Variants in ALDH1A1 observed in about 807,000 individuals in gnomAD.
The protein encoded by ALDH1A1 is aldehyde dehydrogenase 1 family member A1.
A neutral mutation model predicts 62.1 loss-of-function variants in ALDH1A1; 19 were observed. That is an observed-to-expected ratio of 0.31 (90% CI 0.21 to 0.45). The LOEUF is 0.45. Ranked by LOEUF, ALDH1A1 falls within the 20% of genes least tolerant of loss-of-function variation. The pLI, the probability that ALDH1A1 is intolerant of heterozygous loss-of-function variation, is 1.00. For missense variants in ALDH1A1, 521 were observed against 607.1 expected, an observed-to-expected ratio of 0.86 and a Z score of 1.49; for synonymous variants, 231 against 215.9, an observed-to-expected ratio of 1.07 and a Z score of -0.61.
intron 8 of ALDH1A1, among the ~76,000 whole-genome samples, 165 bp downstream of exon 8, chr9:72,918,555 T>C (rs1830092939): frequency 6.6e-6 from 1 of 152,024 alleles, no homozygotes; most frequent in Non-Finnish European, 1.5e-5. Flanking sequence ...TTAGGATGAT[T>C]TAAGAGATTT....
intron 4 of ALDH1A1, among the ~76,000 whole-genome samples, chr9:72,928,585 A>G (rs183645162): frequency 6.6e-6 from 1 of 152,366 alleles, no homozygotes; most frequent in East Asian, 1.9e-4. Context: ...AGCTTTAAAA[A>G]GTTTGGGACC....
intron 1 of ALDH1A1, among the ~76,000 whole-genome samples, chr9:72,945,611 C>A (rs1270466092): frequency 1.3e-5 from 2 of 151,790 alleles, no homozygotes; most frequent in African/African-American, 4.8e-5. Flanking sequence ...AGCTTAGGAA[C>A]CTACCAAAGT....
intron 4 of ALDH1A1, among the ~76,000 whole-genome samples, chr9:72,927,786 T>C (rs1830229632): frequency 6.6e-6 from 1 of 152,100 alleles, no homozygotes; most frequent in Non-Finnish European, 1.5e-5. Context: ...ATGTATTTTA[T>C]TTGCCTACCA....
chr9:72,911,298 T>C (rs1829983826), intron 10 of ALDH1A1, among the ~76,000 whole-genome samples: 1 of 152,136 alleles, frequency 6.6e-6, no homozygotes. Flanking sequence ...GGCTGTTATA[T>C]AGAAAGAGTC....
chr9:72,923,446 C>T (rs977529883), intron 7 of ALDH1A1, among the ~76,000 whole-genome samples: 1 of 152,120 alleles, frequency 6.6e-6, no homozygotes, highest in African/African-American at 2.4e-5. Context: ...TTTTCCCAAA[C>T]TTCACCTTCT....
chr9:72,902,847 C>A (rs1457173948), intron 12 of ALDH1A1, among the ~76,000 whole-genome samples: 1 of 151,910 alleles, frequency 6.6e-6, no homozygotes, highest in Non-Finnish European at 1.5e-5. Flanking sequence ...TACAAATCAC[C>A]TGGGACCTTA....
chr9:72,927,043 A>T, intron 5 of ALDH1A1, 73 bp downstream of exon 5: 1 of 1,088,780 alleles, frequency 9.2e-7, no homozygotes. Context: ...TCTGTTTTAG[A>T]GAAAGCTTCA....
chr9:72,952,735 A>G (rs1830557913), intron 1 of ALDH1A1, among the ~76,000 whole-genome samples, 200 bp downstream of exon 1: 1 of 152,076 alleles, frequency 6.6e-6, no homozygotes. Context: ...TTTAAGAAAT[A>G]AATTTATGAA....
At chr9:72,915,381 C>A (rs1393069674) in intron 9 of ALDH1A1, among the ~76,000 whole-genome samples, 3 of 152,066 alleles carry the variant, frequency 2.0e-5, no homozygotes, top group Non-Finnish European at 4.4e-5. Flanking sequence ...TCAGATCTAT[C>A]AATCAATCAT....
intron 2 of ALDH1A1, among the ~76,000 whole-genome samples, chr9:72,936,382 A>C (rs558420317): frequency 6.6e-6 from 1 of 152,324 alleles, no homozygotes; most frequent in East Asian, 1.9e-4. Context: ...AAGGCTCCAG[A>C]ACTAAAACAT....
At position 72,930,964 on chromosome 9, in the gene ALDH1A1, G is replaced by A. The variant is rs150537821; in HGVS notation, c.227C>T (p.Pro76Leu). The change falls in exon 3 of 13, where the codon CCG becomes CTG. Residue 76 changes from proline (P) to leucine (L), a missense_variant. Coordinates refer to ENST00000297785, the MANE Select transcript of ALDH1A1 (RefSeq NM_000689.5). ...AARQAFQIGS[P>L]WRTMDASERG... ...CTCGGAAGCATCCATAGTACGCCAC[G>A]GGGATCCAATCTGAAAAGCCTGTCT... 6.8e-6 allele frequency: 11 copies of A among 1,613,960 alleles called. No homozygotes were observed. Among genetic ancestry groups the A allele is most frequent in the Admixed American group, 3.3e-5 (2 of 59,992 alleles).
intron 2 of ALDH1A1, among the ~76,000 whole-genome samples, chr9:72,935,070 G>A (rs1158896798): frequency 6.6e-6 from 1 of 152,122 alleles, no homozygotes; most frequent in East Asian, 1.9e-4. Flanking sequence ...TATATAAGGG[G>A]TGCCTTACAT....
chr9:72,908,792 G>C (rs185537466), intron 11 of ALDH1A1, among the ~76,000 whole-genome samples: 113 of 151,924 alleles, frequency 7.4e-4, no homozygotes, highest in Admixed American at 3.8e-3. Flanking sequence ...CAGTTTGAGA[G>C]GCACAGACTT....
intron 2 of ALDH1A1, among the ~76,000 whole-genome samples, chr9:72,932,505 G>A (rs1830295015): frequency 6.6e-6 from 1 of 152,166 alleles, no homozygotes; most frequent in Non-Finnish European, 1.5e-5. Flanking sequence ...GTCTGATTAA[G>A]TAATAATATT....
intron 9 of ALDH1A1, among the ~76,000 whole-genome samples, chr9:72,915,992 A>G (rs1211289058): frequency 6.6e-6 from 1 of 152,164 alleles, no homozygotes; most frequent in Non-Finnish European, 1.5e-5. Context: ...TAGACTCCAG[A>G]GCAGGATTTC....
chr9:72,938,176 T>C (rs1377210039), intron 2 of ALDH1A1, among the ~76,000 whole-genome samples: 1 of 152,102 alleles, frequency 6.6e-6, no homozygotes, highest in East Asian at 1.9e-4. Flanking sequence ...CTAAAACACA[T>C]TGTCATGAAT....
At position 72,925,626 on chromosome 9, in the gene ALDH1A1, T is replaced by C. The variant is rs1272518520; in HGVS notation, c.505-14A>G. 1 of 1,610,928 alleles carries C rather than the reference T, an allele frequency of 6.2e-7. No homozygotes were observed. Among genetic ancestry groups the C allele is most frequent in the African/African-American group, 1.3e-5 (1 of 74,730 alleles). ...CGGGAAATTCCACTAGAAAGCAATA[T>C]GTAACAATAGATTCTTTGTATTGCA... On this transcript the variant is annotated splice_polypyrimidine_tract_variant and intron_variant, in intron 5 of 12. Transcript: ENST00000297785.
At position 72,924,137 on chromosome 9, in the gene ALDH1A1, A is replaced by G. The variant is rs1171112630; in HGVS notation, c.634-5T>C. On this transcript the variant is annotated splice_polypyrimidine_tract_variant and splice_region_variant and intron_variant, in intron 6 of 12. Coordinates refer to ENST00000297785, the MANE Select transcript of ALDH1A1 (RefSeq NM_000689.5). ...TACTCCAGGAGGAAACCCTGCCTAA[A>G]AGATAAAAAGTTTAAAAGTTACAGT... 1.3e-6 allele frequency: 2 copies of G among 1,588,942 alleles called. No individual in the cohort carries two copies. The highest frequency in any genetic ancestry group is 8.6e-7 in the Non-Finnish European group (1 of 1,166,764).
At chr9:72,940,290 A>T in intron 1 of ALDH1A1, 38 bp from the exon 2 acceptor site, 1 of 1,494,852 alleles carries the variant, frequency 6.7e-7, no homozygotes, top group Non-Finnish European at 9.3e-7. Flanking sequence ...AAGGCGCTTA[A>T]ATATGCAGAA....
Sources: allele counts gnomAD v4.1 joint callset (sites outside exome capture counted in the v4.1 genomes callset), GRCh38; gene constraint gnomAD v4.1.1; transcripts MANE v1.5; gene names NCBI Gene and HGNC (gene_info 2026-07-23, HGNC 2026-07-21).